The following RAPGEF4 variants were observed in gnomAD, a reference collection of about 807,000 sequenced individuals.
The protein encoded by RAPGEF4 is Rap guanine nucleotide exchange factor 4.
In RAPGEF4, 66 loss-of-function variants were observed where a neutral mutation model predicts 147.9. The observed-to-expected ratio is 0.45, with a 90% CI of 0.37 to 0.55. RAPGEF4 has a LOEUF of 0.55. Among genes scored for constraint, RAPGEF4 ranks in the 20% least tolerant of loss-of-function variants. RAPGEF4 has a pLI of 0.00. For missense variants in RAPGEF4, 1,071 were observed against 1,257.3 expected, an observed-to-expected ratio of 0.85 and a Z score of 2.24; for synonymous variants, 419 against 442.7, an observed-to-expected ratio of 0.95 and a Z score of 0.67.
At chr2:172,822,098 C>A in intron 4 of RAPGEF4, 1 of 1,249,688 alleles carries the variant, frequency 8.0e-7, no homozygotes, top group African/African-American at 1.5e-5. Context: ...TATGTTCCAC[C>A]AGACCCAAAT....
intron 4 of RAPGEF4, among the ~76,000 whole-genome samples, chr2:172,915,443 G>A (rs1325539435): frequency 6.6e-6 from 1 of 152,080 alleles, no homozygotes; most frequent in Non-Finnish European, 1.5e-5. Context: ...GCTCAAGCCT[G>A]TAATCCCAGC....
At chr2:172,971,137 G>C (rs1449140804) in intron 10 of RAPGEF4, among the ~76,000 whole-genome samples, 1 of 152,208 alleles carries the variant, frequency 6.6e-6, no homozygotes, top group Admixed American at 6.5e-5. Context: ...ACTTTGGTTA[G>C]AGAAATATGA....
intron 17 of RAPGEF4, among the ~76,000 whole-genome samples, chr2:173,003,882 C>G (rs923046094): frequency 6.6e-6 from 1 of 152,092 alleles, no homozygotes; most frequent in African/African-American, 2.4e-5. Context: ...TGGTTTAACC[C>G]CTATGTTTTT....
chr2:172,846,368 C>A (rs1483398199), intron 4 of RAPGEF4, among the ~76,000 whole-genome samples: 3 of 152,194 alleles, frequency 2.0e-5, no homozygotes, highest in African/African-American at 7.2e-5. Flanking sequence ...GCTCCTTTCC[C>A]TGAGCATAAG....
chr2:172,759,579 T>C (rs1299945521), intron 1 of RAPGEF4, among the ~76,000 whole-genome samples: 1 of 152,196 alleles, frequency 6.6e-6, no homozygotes, highest in Admixed American at 6.5e-5. Flanking sequence ...AGTGATATTA[T>C]CAATAAAGCC....
chr2:173,028,749 G>A (rs142374803), intron 25 of RAPGEF4, among the ~76,000 whole-genome samples: 1 of 152,242 alleles, frequency 6.6e-6, no homozygotes, highest in African/African-American at 2.4e-5. Flanking sequence ...TTAAATCCGA[G>A]ATCTACAAGA....
At chr2:172,997,437 G>A (rs556103949) in intron 16 of RAPGEF4, among the ~76,000 whole-genome samples, 2 of 151,376 alleles carry the variant, frequency 1.3e-5, no homozygotes, top group Non-Finnish European at 2.9e-5. Context: ...AGATACTGGA[G>A]GTTAGTTCTT....
At chr2:173,037,801 G>A (rs555830433) in intron 29 of RAPGEF4, among the ~76,000 whole-genome samples, 11 of 152,178 alleles carry the variant, frequency 7.2e-5, no homozygotes, top group Admixed American at 1.3e-4. Flanking sequence ...TCTGTGAGTC[G>A]GTTTCCCCAA....
At chr2:172,985,412 T>G (rs1474039246) in intron 11 of RAPGEF4, 21 bp from the exon 12 acceptor site, 1 of 1,613,728 alleles carries the variant, frequency 6.2e-7, no homozygotes, top group South Asian at 1.1e-5. Context: ...CCTTTGCATG[T>G]TTCTTCTGTT....
chr2:172,864,671 A>C (rs902380108), intron 4 of RAPGEF4, among the ~76,000 whole-genome samples: 1 of 152,218 alleles, frequency 6.6e-6, no homozygotes, highest in East Asian at 1.9e-4. Flanking sequence ...TGGGAGGCTG[A>C]GGTGGGTGGA....
At chr2:172,792,731 GA>G (rs1034112194) in intron 1 of RAPGEF4, among the ~76,000 whole-genome samples, 76 of 152,318 alleles carry the variant, frequency 5.0e-4, no homozygotes, top group African/African-American at 1.8e-3. Context: ...CATCTCTCAT[GA>G]TGGAATCTGT....
intron 6 of RAPGEF4, among the ~76,000 whole-genome samples, chr2:172,943,800 C>T (rs1376465089): frequency 6.6e-6 from 1 of 152,126 alleles, no homozygotes; most frequent in East Asian, 1.9e-4. Context: ...ACAGTTGTTG[C>T]ATGAACCACA....
At chr2:172,787,234 T>A (rs12622441) in intron 1 of RAPGEF4, among the ~76,000 whole-genome samples, 11,619 of 152,150 alleles carry the variant, frequency 0.076, 552 homozygotes, top group East Asian at 0.23. Flanking sequence ...TAAAAAAATT[T>A]AAAAACCCTA....
In RAPGEF4 at chr2:172,965,784, G is replaced by A. The variant is rs180746566; in HGVS notation, c.820+101G>A. On this transcript the variant is annotated intron_variant, in intron 9 of 30. Transcript: ENST00000397081. ...TCTTGAATGGGCAAGAAAGAATTAC[G>A]ATCCCTTTAGGGACCTGCAGAGCTA... 2.3e-4 allele frequency: 338 copies of A among 1,469,730 alleles called. 1 individual carries two copies. Among genetic ancestry groups the A allele is most frequent in the African/African-American group, 4.2e-4 (30 of 72,060 alleles). The allele number at this position is 1,469,730 out of a possible 1,614,324, so 91.0% of individuals were successfully genotyped here.
chr2:172,921,941 TC>T (rs1684805527), intron 5 of RAPGEF4, among the ~76,000 whole-genome samples: 1 of 152,192 alleles, frequency 6.6e-6, no homozygotes, highest in African/African-American at 2.4e-5. Context: ...TTTCCAAAAT[TC>T]CGAGTGTTCT....
At chr2:172,794,810 G>A (rs1686208650) in intron 1 of RAPGEF4, among the ~76,000 whole-genome samples, 1 of 152,198 alleles carries the variant, frequency 6.6e-6, no homozygotes, top group Admixed American at 6.5e-5. Context: ...TGTAGCATCT[G>A]CAATAGTAGT....
intron 4 of RAPGEF4, among the ~76,000 whole-genome samples, chr2:172,865,787 C>T (rs897525681): frequency 6.6e-6 from 1 of 152,114 alleles, no homozygotes; most frequent in Non-Finnish European, 1.5e-5. Context: ...AGTTTATCCT[C>T]CTTCCGAGTG....
At chr2:172,919,218 GGTT>G (rs1427176305) in intron 5 of RAPGEF4, among the ~76,000 whole-genome samples, 1 of 152,104 alleles carries the variant, frequency 6.6e-6, no homozygotes, top group Non-Finnish European at 1.5e-5. Context: ...TTCCTCAGAG[GGTT>G]GTTGTGAAGA....
intron 10 of RAPGEF4, among the ~76,000 whole-genome samples, chr2:172,981,490 A>AAAC (rs1691678550): frequency 6.6e-6 from 1 of 152,146 alleles, no homozygotes; most frequent in Non-Finnish European, 1.5e-5. Flanking sequence ...TATGGGTCCC[A>AAAC]TACTTTCTGG....
Sources: gnomAD v4.1 joint callset for allele counts (sites outside exome capture counted in the v4.1 genomes callset) on GRCh38, gnomAD v4.1.1 for gene constraint, MANE v1.5 for transcripts, NCBI Gene and HGNC (gene_info 2026-07-23, HGNC 2026-07-21) for gene names.